Variants in ARHGAP10 observed in about 807,000 individuals in gnomAD.
The protein encoded by ARHGAP10 is Rho GTPase activating protein 10.
A neutral mutation model predicts 108.6 loss-of-function variants in ARHGAP10; 87 were observed. The observed-to-expected ratio is 0.80, with a 90% CI of 0.67 to 0.96. The LOEUF (loss-of-function observed/expected upper bound fraction) is 0.96, where lower values mean the gene tolerates loss of function less well. Ranked by LOEUF, ARHGAP10 falls within the 40% of genes least tolerant of loss-of-function variation. The pLI, the probability that ARHGAP10 is intolerant of heterozygous loss-of-function variation, is 0.00. For synonymous variants in ARHGAP10, 347 were observed against 341.1 expected, an observed-to-expected ratio of 1.02 and a Z score of -0.19; for missense variants, 939 against 954.5, an observed-to-expected ratio of 0.98 and a Z score of 0.21.
rs114786206 is a variant in ARHGAP10 at position 147,955,394 on chromosome 4, A to G, written c.1450+20A>G. The G allele has an allele frequency of 1.1e-3, 1,781 of 1,599,244 alleles. 18 individuals are homozygous for G. In the African/African-American group the frequency reaches 0.019, roughly 17 times the overall value. On this transcript the variant is annotated intron_variant, in intron 16 of 22. Coordinates refer to ENST00000336498, the MANE Select transcript of ARHGAP10 (RefSeq NM_024605.4). ...CAGCCAGTAAGTATTATGTAAAGGT[A>G]TATAGGAACAGTTTTGTAGTTGGTA...
At chr4:147,784,186 C>A in intron 1 of ARHGAP10, among the ~76,000 whole-genome samples, 1 of 78,530 alleles carries the variant, frequency 1.3e-5, no homozygotes, top group Non-Finnish European at 2.3e-5. Flanking sequence ...TTTTACATAA[C>A]ATTAAATTGT....
intron 1 of ARHGAP10, 32 bp from the exon 2 acceptor site, chr4:147,822,695 A>G (rs1732554382): frequency 1.3e-6 from 2 of 1,594,990 alleles, no homozygotes; most frequent in African/African-American, 1.3e-5. Context: ...ATAAAACAAG[A>G]ACCCAAGTCA....
chr4:148,019,336 C>G (rs1319293401), intron 18 of ARHGAP10, among the ~76,000 whole-genome samples: 1 of 152,174 alleles, frequency 6.6e-6, no homozygotes, highest in South Asian at 2.1e-4. Flanking sequence ...TTATTTCTGG[C>G]TACTGTGTGC....
At chr4:148,070,906 C>T (rs554068800) in intron 22 of ARHGAP10, among the ~76,000 whole-genome samples, 2 of 152,276 alleles carry the variant, frequency 1.3e-5, no homozygotes, top group African/African-American at 4.8e-5. Flanking sequence ...ATTGCATTTC[C>T]GAACACTGGT....
intron 1 of ARHGAP10, among the ~76,000 whole-genome samples, chr4:147,745,699 G>A (rs914868371): frequency 7.9e-5 from 12 of 151,766 alleles, no homozygotes; most frequent in Non-Finnish European, 1.5e-4. Context: ...CACCGTGTTA[G>A]CCAGGATGGT....
chr4:147,981,912 G>T, intron 18 of ARHGAP10, among the ~76,000 whole-genome samples: 1 of 152,126 alleles, frequency 6.6e-6, no homozygotes, highest in East Asian at 1.9e-4. Context: ...CATTTGTGTG[G>T]TAGATTTTCC....
intron 1 of ARHGAP10, among the ~76,000 whole-genome samples, chr4:147,734,169 T>C (rs1728333990): frequency 6.6e-6 from 1 of 152,086 alleles, no homozygotes; most frequent in Non-Finnish European, 1.5e-5. Context: ...TTGGTTGTAG[T>C]AGTTCCCTCT....
At chr4:147,761,961 C>G (rs896762504) in intron 1 of ARHGAP10, among the ~76,000 whole-genome samples, 3 of 152,164 alleles carry the variant, frequency 2.0e-5, no homozygotes, top group Non-Finnish European at 4.4e-5. Flanking sequence ...ATGCTTACAC[C>G]CAGATCAGAA....
At chr4:147,899,225 A>C (rs1282247229) in intron 10 of ARHGAP10, among the ~76,000 whole-genome samples, 1 of 152,068 alleles carries the variant, frequency 6.6e-6, no homozygotes, top group Non-Finnish European at 1.5e-5. Flanking sequence ...TACCTTTAAA[A>C]TTTTGTTAAA....
Position 147,819,199 on chromosome 4 carries a change from C to CGAAT in ARHGAP10, c.155-3528_155-3527insGAAT, listed in dbSNP as rs1732383796. ...CTACTATTCTGACCATATGAAACAC[C>CGAAT]ATCTTTAAAATAACCTGCAGCCTTT... On this transcript the variant is annotated intron_variant, in intron 1 of 22. Coordinates refer to ENST00000336498, the MANE Select transcript of ARHGAP10 (RefSeq NM_024605.4). Among the ~76,000 whole-genome samples, 5 of 152,226 alleles carry CGAAT rather than the reference C, an allele frequency of 3.3e-5. No homozygotes were observed. In the South Asian group the frequency reaches 8.3e-4, roughly 25 times the overall value.
intron 9 of ARHGAP10, among the ~76,000 whole-genome samples, chr4:147,880,441 T>G (rs2126870210): frequency 6.6e-6 from 1 of 152,358 alleles, no homozygotes; most frequent in Non-Finnish European, 1.5e-5. Flanking sequence ...TCTTGAAGCA[T>G]CAGGTTTGAG....
intron 18 of ARHGAP10, among the ~76,000 whole-genome samples, chr4:148,014,284 A>G (rs1413686355): frequency 1.3e-5 from 2 of 152,250 alleles, no homozygotes; most frequent in Non-Finnish European, 2.9e-5. Flanking sequence ...ATGAAAGTCA[A>G]CATTACAGCT....
chr4:147,992,769 C>T (rs1740330333), intron 18 of ARHGAP10, among the ~76,000 whole-genome samples: 1 of 152,136 alleles, frequency 6.6e-6, no homozygotes, highest in Admixed American at 6.5e-5. Flanking sequence ...AGTATTAGTG[C>T]CATTTTCCTC....
intron 19 of ARHGAP10, among the ~76,000 whole-genome samples, chr4:148,030,868 AAAG>A (rs1001060482): frequency 6.8e-6 from 1 of 146,230 alleles, no homozygotes; most frequent in African/African-American, 2.7e-5. Flanking sequence ...GAAAGAAAAA[AAAG>A]AAAAAAAAAA....
At chr4:147,873,392 A>G (rs916262285) in intron 7 of ARHGAP10, among the ~76,000 whole-genome samples, 2 of 152,046 alleles carry the variant, frequency 1.3e-5, no homozygotes, top group African/African-American at 4.8e-5. Context: ...TAGCATCCAT[A>G]CATGTATGGC....
Position 147,859,510 on chromosome 4 carries a change from G to A in ARHGAP10, c.486+1856G>A, listed in dbSNP as rs565277318. ...GCTGTTCTTGAACTCCTGACCTCAG[G>A]CGATCCACCCACCTTGGCCTCCCAA... is the stretch of plus-strand genomic sequence containing the variant. On this transcript the variant is annotated intron_variant, in intron 5 of 22. Transcript: ENST00000336498. 3.3e-5 allele frequency among the ~76,000 whole-genome samples: 5 copies of A among 152,178 alleles called. No homozygotes were observed. The East Asian group carries it at 9.7e-4, about 29-fold the overall frequency.
At chr4:147,962,458 T>C (rs992976774) in intron 16 of ARHGAP10, among the ~76,000 whole-genome samples, 3 of 152,184 alleles carry the variant, frequency 2.0e-5, no homozygotes, top group African/African-American at 7.2e-5. Flanking sequence ...ATTTTGCAGA[T>C]GAGGGAGCTG....
chr4:147,754,189 A>G (rs1406431528), intron 1 of ARHGAP10, among the ~76,000 whole-genome samples: 1 of 152,216 alleles, frequency 6.6e-6, no homozygotes, highest in African/African-American at 2.4e-5. Context: ...ATGTTTATTT[A>G]GGTTAAGCTA....
intron 18 of ARHGAP10, among the ~76,000 whole-genome samples, chr4:148,017,621 A>C (rs1741393281): frequency 6.8e-6 from 1 of 147,152 alleles, no homozygotes; most frequent in Non-Finnish European, 1.5e-5. Flanking sequence ...CCAACATTAT[A>C]ATGAGAGCTG....
Sources: gnomAD v4.1 joint callset for allele counts (sites outside exome capture counted in the v4.1 genomes callset) on GRCh38, gnomAD v4.1.1 for gene constraint, MANE v1.5 for transcripts, NCBI Gene and HGNC (gene_info 2026-07-23, HGNC 2026-07-21) for gene names.